CEP152: variants seen among roughly 807,000 people sequenced by gnomAD.
The protein encoded by CEP152 is centrosomal protein 152.
A neutral mutation model predicts 188.9 loss-of-function variants in CEP152; 132 were observed. The observed-to-expected ratio is 0.70, with a 90% confidence interval of 0.61 to 0.81. The LOEUF (loss-of-function observed/expected upper bound fraction) is 0.81, where lower values mean the gene tolerates loss of function less well. Among genes scored for constraint, CEP152 ranks in the 30% least tolerant of loss-of-function variants. CEP152 has a pLI of 0.00. For missense variants in CEP152, 1,914 were observed against 1,969.8 expected (o/e 0.97, Z 0.54); for synonymous variants, 649 against 666.6 (o/e 0.97, Z 0.41).
chr15:48,735,295 T>A (rs1892556770), downstream of CEP152, among the ~76,000 whole-genome samples: 2 of 152,178 alleles, frequency 1.3e-5, no homozygotes, highest in South Asian at 4.1e-4. Flanking sequence ...AGTTTGAAAA[T>A]ATTTTGAACT....
intron 1 of CEP152, among the ~76,000 whole-genome samples, chr15:48,807,879 A>G (rs993438318): frequency 7.1e-6 from 1 of 140,398 alleles, no homozygotes; most frequent in African/African-American, 2.6e-5. Flanking sequence ...TTTTTCTCAG[A>G]TAGAGAATAC....
At chr15:48,808,206 C>T (rs1898111963) in intron 1 of CEP152, among the ~76,000 whole-genome samples, 1 of 151,112 alleles carries the variant, frequency 6.6e-6, no homozygotes, top group Non-Finnish European at 1.5e-5. Context: ...CACTCATTAT[C>T]ACTGCTACCA....
chr15:48,744,611 G>A (rs915213626), intron 23 of CEP152, among the ~76,000 whole-genome samples: 2 of 151,932 alleles, frequency 1.3e-5, no homozygotes, highest in African/African-American at 4.8e-5. Flanking sequence ...CTAATAACAT[G>A]GAGAAATGCT....
At position 48,797,332 on chromosome 15, in the gene CEP152, T is replaced by G; in HGVS notation, c.509A>C (p.Lys170Thr). The G allele has an allele frequency of 6.2e-7, 1 of 1,614,098 alleles. No homozygotes were observed. The highest frequency in any genetic ancestry group is 8.5e-7 in the Non-Finnish European group (1 of 1,179,988). ...EFNNQATNVIKFSDPQWNHFQ... is the reference protein window; with the variant it reads ...EFNNQATNVITFSDPQWNHFQ... Reference sequence around the variant, plus strand: ...ATGGTTCCATTGAGGATCTGAAAATTTAATTACATTGGTTGCTTGGTTATT... The same window carrying G: ...ATGGTTCCATTGAGGATCTGAAAATGTAATTACATTGGTTGCTTGGTTATT... Residue 170 changes from lysine (K) to threonine (T), a missense_variant, in exon 5 of 27, where the codon AAA becomes ACA. Transcript: ENST00000380950.
chr15:48,752,021 T>C (rs1185450376), intron 21 of CEP152, among the ~76,000 whole-genome samples: 2 of 152,214 alleles, frequency 1.3e-5, no homozygotes, highest in Admixed American at 1.3e-4. Flanking sequence ...TTCAGTAATT[T>C]GAATGAAAAA....
At chr15:48,796,206 C>T (rs1897281022) in intron 5 of CEP152, 46 bp from the exon 6 acceptor site, 1 of 1,599,040 alleles carries the variant, frequency 6.3e-7, no homozygotes, top group Non-Finnish European at 8.5e-7. Context: ...GCCTTTTCTT[C>T]CAAAATTATC....
chr15:48,738,964 A>C lies in CEP152; in HGVS notation c.4418T>G (p.Phe1473Cys). Residue 1473 changes from phenylalanine (F) to cysteine (C), a missense_variant, in exon 27 of 27, where the codon TTT (phenylalanine) becomes TGT (cysteine). Physicochemically the swap from Phe to Cys is radical, Grantham distance 205 (BLOSUM62 -2). Transcript: ENST00000380950. ...TAGGTCTTTCTTCTTGTGCAAACCAAAGCCTCCTTCACCTTCACAAGGAAC... is the reference window on the plus strand; with the variant it reads ...TAGGTCTTTCTTCTTGTGCAAACCACAGCCTCCTTCACCTTCACAAGGAAC... ...EFVPCEGEGG[F>C]GLHKKKDLLS... The C allele has an allele frequency of 6.2e-7, 1 of 1,613,980 alleles. No individual in the cohort carries two copies.
chr15:48,746,723 T>C (rs1893459139), intron 22 of CEP152, among the ~76,000 whole-genome samples: 1 of 152,108 alleles, frequency 6.6e-6, no homozygotes, highest in South Asian at 2.1e-4. Context: ...ACTTGATCCT[T>C]ATTGCTATAA....
intron 2 of CEP152, among the ~76,000 whole-genome samples, chr15:48,801,173 TTC>T (rs1308586772): frequency 6.6e-6 from 1 of 152,214 alleles, no homozygotes; most frequent in Admixed American, 6.5e-5. Context: ...TCTAAAAAGA[TTC>T]TGATATTTTC....
At chr15:48,779,950 G>T (rs977902613) in intron 12 of CEP152, among the ~76,000 whole-genome samples, 5 of 152,236 alleles carry the variant, frequency 3.3e-5, no homozygotes, top group Non-Finnish European at 7.3e-5. Flanking sequence ...ACGTAAATGT[G>T]TAGAGCTATT....
intron 17 of CEP152, among the ~76,000 whole-genome samples, chr15:48,766,448 C>G (rs956306979): frequency 1.3e-5 from 2 of 152,180 alleles, no homozygotes; most frequent in Non-Finnish European, 2.9e-5. Flanking sequence ...TGATTTTACT[C>G]CTGGACACTC....
intron 9 of CEP152, among the ~76,000 whole-genome samples, chr15:48,787,929 G>A (rs1352629231): frequency 1.3e-5 from 2 of 152,148 alleles, no homozygotes; most frequent in African/African-American, 4.8e-5. Flanking sequence ...AATTCACTGT[G>A]CAATATGCTC....
chr15:48,786,580 A>G (rs1314285657), intron 9 of CEP152, among the ~76,000 whole-genome samples: 2 of 152,226 alleles, frequency 1.3e-5, no homozygotes, highest in Non-Finnish European at 1.5e-5. Flanking sequence ...ATGTGGCATG[A>G]TGCCGAGGTC....
At chr15:48,801,442 G>T (rs1897662806) in intron 2 of CEP152, among the ~76,000 whole-genome samples, 1 of 152,184 alleles carries the variant, frequency 6.6e-6, no homozygotes, top group Admixed American at 6.5e-5. Flanking sequence ...CCAAGTGCAA[G>T]TTTCTATCTG....
chr15:48,760,161 G>C lies in CEP152; in HGVS notation c.2668C>G (p.Gln890Glu). Residue 890 changes from glutamine to glutamate, a missense_variant, in exon 19 of 27, where the codon CAG (glutamine) becomes GAG (glutamate). Gln to Glu is a conservative substitution (Grantham distance 29). Coordinates refer to ENST00000380950, the MANE Select transcript of CEP152 (RefSeq NM_001194998.2). ...CTTTTGTTCACAGAGACCTCATGCT[G>C]TTCTTCCCACTTTTTCTGTTCTGCC... The part of the protein sequence containing the change: ...VKAEQKKWEE[Q>E]HEVSVNKRIS... The C allele has an allele frequency of 6.2e-7, 1 of 1,614,006 alleles. No individual in the cohort carries two copies. The highest frequency in any genetic ancestry group is 8.5e-7 in the Non-Finnish European group (1 of 1,179,930).
At chr15:48,777,120 C>T (rs1425710022) in intron 12 of CEP152, among the ~76,000 whole-genome samples, 1 of 151,448 alleles carries the variant, frequency 6.6e-6, no homozygotes, top group African/African-American at 2.4e-5. Flanking sequence ...GAAACATGAC[C>T]CCTAAATGTA....
At chr15:48,776,269 G>C (rs897522213) in intron 12 of CEP152, among the ~76,000 whole-genome samples, 1 of 152,014 alleles carries the variant, frequency 6.6e-6, no homozygotes, top group Non-Finnish European at 1.5e-5. Flanking sequence ...TAAAACTATA[G>C]AAAGTACTAG....
chr15:48,767,556 T>C, intron 15 of CEP152, 93 bp from the exon 16 acceptor site: 1 of 1,529,954 alleles, frequency 6.5e-7, no homozygotes, highest in Admixed American at 1.7e-5. Context: ...CTCTTCCCTC[T>C]AATGCAAATT....
chr15:48,749,566 C>T (rs529034648), intron 21 of CEP152, among the ~76,000 whole-genome samples: 13 of 151,926 alleles, frequency 8.6e-5, no homozygotes, highest in South Asian at 2.1e-4. Context: ...ATGGACACCA[C>T]AATTTTTAGA....
Sources: allele counts gnomAD v4.1 joint callset (sites outside exome capture counted in the v4.1 genomes callset), GRCh38; gene constraint gnomAD v4.1.1; transcripts MANE v1.5; gene names NCBI Gene and HGNC (gene_info 2026-07-23, HGNC 2026-07-21).